The following PDXP variants were observed in gnomAD, a reference collection of about 807,000 sequenced individuals.
The protein encoded by PDXP is pyridoxal phosphatase.
Under a neutral mutation model 14.4 loss-of-function variants are expected in PDXP, and 15 were observed. The ratio of observed to expected loss-of-function variants is 1.04; its 90% CI spans 0.70 to 1.60. PDXP has a LOEUF of 1.60. Among genes scored for constraint, PDXP ranks in the 40% most tolerant of loss-of-function variants. The pLI is 0.00. For missense variants in PDXP, 413 were observed against 427.6 expected (o/e 0.97, Z 0.30); for synonymous variants, 233 against 205.6 (o/e 1.13, Z -1.14).
intron 1 of PDXP, among the ~76,000 whole-genome samples, chr22:37,662,178 G>A (rs1933220293): frequency 6.6e-6 from 1 of 151,802 alleles, no homozygotes; most frequent in Non-Finnish European, 1.5e-5. Flanking sequence ...AACTCCCAGG[G>A]GTGTTGCCCT....
Position 37,665,539 on chromosome 22 carries a change from C to T in PDXP, c.575-16C>T, listed in dbSNP as rs1342139756. 2 of 1,585,298 alleles carry T rather than the reference C, an allele frequency of 1.3e-6. No homozygotes were observed. Among genetic ancestry groups the T allele is most frequent in the Admixed American group, 1.7e-5 (1 of 58,950 alleles). ...CCTGCCGCCCTCCTGCTGACTGCGT[C>T]TCCATCTCCCTACAGGCACCGGGAG... On this transcript the variant is annotated splice_polypyrimidine_tract_variant and intron_variant, in intron 1 of 1. Transcript: ENST00000215904.
intron 1 of PDXP, among the ~76,000 whole-genome samples, chr22:37,662,245 G>C (rs1192285588): frequency 6.6e-6 from 1 of 151,980 alleles, no homozygotes; most frequent in Non-Finnish European, 1.5e-5. Context: ...TGTGAGCCTG[G>C]GAAGTTTCTC....
intron 1 of PDXP, among the ~76,000 whole-genome samples, chr22:37,661,884 G>C (rs1933210721): frequency 6.7e-6 from 1 of 149,106 alleles, no homozygotes; most frequent in Non-Finnish European, 1.5e-5. Flanking sequence ...CACCAACGGA[G>C]CACGTGGCTT....
At chr22:37,662,400 T>G (rs577696559) in intron 1 of PDXP, among the ~76,000 whole-genome samples, 1 of 152,266 alleles carries the variant, frequency 6.6e-6, no homozygotes, top group Admixed American at 6.5e-5. Context: ...CCAGAGCATT[T>G]GGGGTCAGAC....
chr22:37,665,713 C>T lies in PDXP; in HGVS notation c.733C>T (p.Leu245Phe), dbSNP rs765231715. 3 of 1,614,052 alleles carry T rather than the reference C, an allele frequency of 1.9e-6. No homozygotes were observed. The African/African-American group carries it at 4.0e-5, about 22-fold the overall frequency. ...MVGDRLETDI[L>F]FGHRCGMTTV... Reference sequence around the variant, plus strand: ...GGGTGACCGCCTGGAGACCGACATCCTCTTTGGCCACCGCTGCGGCATGAC... The same window carrying T: ...GGGTGACCGCCTGGAGACCGACATCTTCTTTGGCCACCGCTGCGGCATGAC... The change falls in exon 2 of 2, where the codon CTC becomes TTC. Residue 245 changes from leucine (L) to phenylalanine (F), a missense_variant. Physicochemically the swap from Leu to Phe is conservative, Grantham distance 22. Transcript: ENST00000215904.
chr22:37,658,725 G>A lies in PDXP; in HGVS notation c.-58G>A. ...GCGGCTGCGTGGAACGTGCCAGGGA[G>A]AGCGCGCCGTGCCCGCGGAGAGAGC... On this transcript the variant is annotated 5_prime_UTR_variant, in exon 1 of 2. Transcript: ENST00000215904. The A allele has an allele frequency of 9.3e-7, 1 of 1,073,078 alleles. No individual in the cohort carries two copies. The highest frequency in any genetic ancestry group is 1.2e-6 in the Non-Finnish European group (1 of 867,718). The allele number at this position is 1,073,078 out of a possible 1,614,324, so 66.5% of individuals were successfully genotyped here.
At position 37,658,739 on chromosome 22, in the gene PDXP, C is replaced by G. The variant is rs539658966; in HGVS notation, c.-44C>G. The stretch of plus-strand genomic sequence containing the variant: ...CGTGCCAGGGAGAGCGCGCCGTGCC[C>G]GCGGAGAGAGCGCGGCGCGGGAGGC... On this transcript the variant is annotated 5_prime_UTR_variant, in exon 1 of 2. Coordinates refer to ENST00000215904, the MANE Select transcript of PDXP (RefSeq NM_020315.5). 3 of 1,093,578 alleles carry G rather than the reference C, an allele frequency of 2.7e-6. No homozygotes were observed. The highest frequency in any genetic ancestry group is 4.5e-5 in the East Asian group (1 of 22,384). The allele number at this position is 1,093,578 out of a possible 1,614,324, so 67.7% of individuals were successfully genotyped here.
At position 37,666,025 on chromosome 22, in the gene PDXP, T is replaced by A. The variant is rs916136737; in HGVS notation, c.*154T>A. 4 of 727,876 alleles carry A rather than the reference T, an allele frequency of 5.5e-6. No homozygotes were observed. Among genetic ancestry groups the A allele is most frequent in the Non-Finnish European group, 9.1e-6 (4 of 437,830 alleles). The allele number at this position is 727,876 out of a possible 1,614,324, so 45.1% of individuals were successfully genotyped here. Reference sequence around the variant, plus strand: ...GGACCCGGGGAAGGTTTGAGGGCCCTTGCAACCCCCTCCCAGCAGTGGCTG... The same window carrying A: ...GGACCCGGGGAAGGTTTGAGGGCCCATGCAACCCCCTCCCAGCAGTGGCTG... On this transcript the variant is annotated 3_prime_UTR_variant, in exon 2 of 2. Coordinates refer to ENST00000215904, the MANE Select transcript of PDXP (RefSeq NM_020315.5).
Position 37,666,695 on chromosome 22 carries a change from A to G in PDXP, c.*824A>G, listed in dbSNP as rs1921094373. 1 of 167,022 alleles carries G rather than the reference A, an allele frequency of 6.0e-6. No individual in the cohort carries two copies. The highest frequency in any genetic ancestry group is 2.4e-5 in the African/African-American group (1 of 41,412). The allele number at this position is 167,022 out of a possible 1,614,324, so 10.3% of individuals were successfully genotyped here. On this transcript the variant is annotated 3_prime_UTR_variant, in exon 2 of 2. Coordinates refer to ENST00000215904, the MANE Select transcript of PDXP (RefSeq NM_020315.5). ...TCTGGGGCTTCTGTGGCCAAGCCCC[A>G]CCCTTTCCTGGTCATGGTACCCGTA...
intron 1 of PDXP, among the ~76,000 whole-genome samples, chr22:37,660,872 T>C (rs541167443): frequency 1.3e-5 from 2 of 152,200 alleles, no homozygotes; most frequent in East Asian, 3.9e-4. Flanking sequence ...AAACCCAGTG[T>C]TATGGCATGG....
At position 37,665,754 on chromosome 22, in the gene PDXP, C is replaced by A; in HGVS notation, c.774C>A (p.Leu258=). Residue 258 remains leucine (L), a synonymous_variant, in exon 2 of 2, where the codon CTC becomes CTA. Coordinates refer to ENST00000215904, the MANE Select transcript of PDXP (RefSeq NM_020315.5). ...HRCGMTTVLT[L]TGVSRLEEAQ... is the part of the protein sequence containing the mutation. ...GCGGCATGACCACTGTGCTCACGCT[C>A]ACAGGAGTCTCCCGCCTAGAAGAGG... 2 of 1,614,126 alleles carry A rather than the reference C, an allele frequency of 1.2e-6. No homozygotes were observed. Among genetic ancestry groups the A allele is most frequent in the Non-Finnish European group, 1.7e-6 (2 of 1,180,048 alleles).
chr22:37,666,196 C>T lies in PDXP; in HGVS notation c.*325C>T. The T allele has an allele frequency of 2.4e-6, 1 of 412,780 alleles. No individual in the cohort carries two copies. 25.6% of individuals were successfully genotyped at this position (412,780 alleles called of 1,614,324 possible). A position where few individuals can be genotyped will look rare whatever the true frequency, so the allele number is the denominator to read the frequency against. On this transcript the variant is annotated 3_prime_UTR_variant, in exon 2 of 2. Coordinates refer to ENST00000215904, the MANE Select transcript of PDXP (RefSeq NM_020315.5). ...TGAAGATTCCCTCTATCCCTGAGTA[C>T]TTAGTCTTCTCCCCCTTCCCTGGGG...
At chr22:37,664,097 A>G (rs1920996166) in intron 1 of PDXP, among the ~76,000 whole-genome samples, 1 of 151,146 alleles carries the variant, frequency 6.6e-6, no homozygotes, top group South Asian at 2.1e-4. Context: ...TGCCTGGCTA[A>G]TTTTTGTGTT....
intron 1 of PDXP, among the ~76,000 whole-genome samples, chr22:37,664,607 C>A (rs1159079011): frequency 6.6e-6 from 1 of 152,190 alleles, no homozygotes; most frequent in African/African-American, 2.4e-5. Flanking sequence ...CCAGAAACAC[C>A]CAGCACAGGC....
At position 37,659,037 on chromosome 22, in the gene PDXP, C is replaced by G. The variant is rs1933142152; in HGVS notation, c.255C>G (p.Leu85=). 3 of 1,162,350 alleles carry G rather than the reference C, an allele frequency of 2.6e-6. No individual in the cohort carries two copies. The highest frequency in any genetic ancestry group is 3.2e-6 in the Non-Finnish European group (3 of 941,592). 72.0% of individuals were successfully genotyped at this position (1,162,350 alleles called of 1,614,324 possible). Residue 85 remains leucine, a synonymous_variant, in exon 1 of 2, where the codon CTC becomes CTG. Transcript: ENST00000215904. ...TCGGGGGGCTGCGCGCCGAGCAGCT[C>G]TTCAGCTCCGCGCTGTGCGCCGCGC... ...LGFGGLRAEQ[L]FSSALCAARL... is the part of the protein sequence containing the mutation.
Position 37,665,886 on chromosome 22 carries a change from C to T in PDXP, c.*15C>T, listed in dbSNP as rs774436317. 1.2e-6 allele frequency: 2 copies of T among 1,603,954 alleles called. No individual in the cohort carries two copies. The highest frequency in any genetic ancestry group is 2.2e-5 in the South Asian group (2 of 90,386). ...TGGAGGACTGAGCCCACTGCACCTG[C>T]AGCCACAGGCCCACCCCTCCCCACT... On this transcript the variant is annotated 3_prime_UTR_variant, in exon 2 of 2. Coordinates refer to ENST00000215904, the MANE Select transcript of PDXP (RefSeq NM_020315.5).
Position 37,658,788 on chromosome 22 carries a change from G to T in PDXP, c.6G>T (p.Ala2=), listed in dbSNP as rs1192088017. The T allele has an allele frequency of 8.5e-6, 10 of 1,172,880 alleles. No individual in the cohort carries two copies. The highest frequency in any genetic ancestry group is 1.1e-5 in the Non-Finnish European group (10 of 950,010). The allele number at this position is 1,172,880 out of a possible 1,614,324, so 72.7% of individuals were successfully genotyped here. A position where few individuals can be genotyped will look rare whatever the true frequency, so the allele number is the denominator to read the frequency against. ...GCCGGCGGCCGGCCGGCTGCATGGC[G>T]CGCTGCGAGAGGCTGCGCGGAGCGG... M[A]RCERLRGAAL... Residue 2 remains alanine (A), a synonymous_variant, in exon 1 of 2, where the codon GCG becomes GCT. Transcript: ENST00000215904.
Position 37,659,157 on chromosome 22 carries a change from G to C in PDXP, c.375G>C (p.Ala125=). ...GGCTGCGCGCCGAGCTGCGCGCCGC[G>C]GGGCTGCGCCTGGCCGGGGACCCGA... The part of the protein sequence containing the change: ...GEGLRAELRA[A]GLRLAGDPSA... The change falls in exon 1 of 2, where the codon GCG becomes GCC. Residue 125 remains alanine, a synonymous_variant. Coordinates refer to ENST00000215904, the MANE Select transcript of PDXP (RefSeq NM_020315.5). 1 of 1,075,842 alleles carries C rather than the reference G, an allele frequency of 9.3e-7. No homozygotes were observed. The highest frequency in any genetic ancestry group is 1.1e-6 in the Non-Finnish European group (1 of 889,164). 66.6% of individuals were successfully genotyped at this position (1,075,842 alleles called of 1,614,324 possible).
chr22:37,664,688 G>A (rs1301811404), intron 1 of PDXP, among the ~76,000 whole-genome samples: 1 of 152,224 alleles, frequency 6.6e-6, no homozygotes, highest in Admixed American at 6.5e-5. Context: ...CATGAAGGCC[G>A]AATGTTCTGG....
Sources: allele counts gnomAD v4.1 joint callset (sites outside exome capture counted in the v4.1 genomes callset), GRCh38; gene constraint gnomAD v4.1.1; transcripts MANE v1.5; gene names NCBI Gene and HGNC (gene_info 2026-07-23, HGNC 2026-07-21).